The following DACH2 variants were observed in gnomAD, a reference collection of about 807,000 sequenced individuals.
DACH2 encodes the protein dachshund family transcription factor 2.
In DACH2, 17 loss-of-function variants were observed where a neutral mutation model predicts 35.8. That is an observed-to-expected ratio of 0.48 (90% CI 0.33 to 0.71). The LOEUF (loss-of-function observed/expected upper bound fraction) is 0.71. DACH2 is among the 30% of genes least tolerant of loss of function. The probability of loss-of-function intolerance (pLI) is 0.02; values close to 1 mark genes in which losing one functional copy is unlikely to be tolerated. For missense variants in DACH2, 469 were observed against 472.7 expected, an observed-to-expected ratio of 0.99 and a Z score of 0.07; for synonymous variants, 195 against 177.3, an observed-to-expected ratio of 1.10 and a Z score of -0.79.
At chrX:86,346,973 T>C (rs1400982729) in intron 1 of DACH2, among the ~76,000 whole-genome samples, 1 of 111,902 alleles carries the variant, frequency 8.9e-6, no homozygotes, top group South Asian at 3.7e-4. Flanking sequence ...AATGTTTTCA[T>C]GGAGAACTGT....
intron 3 of DACH2, among the ~76,000 whole-genome samples, chrX:86,601,302 A>G (rs1200524320): frequency 6.2e-5 from 7 of 112,213 alleles, no homozygotes; most frequent in Non-Finnish European, 1.3e-4. Context: ...TTAATAAAAC[A>G]AATATAGAAA....
chrX:86,508,126 C>G lies in DACH2; in HGVS notation c.528-6153C>G, dbSNP rs576798156. 8.0e-5 allele frequency among the ~76,000 whole-genome samples: 9 copies of G among 111,855 alleles called. No homozygotes were observed. The South Asian group carries it at 3.4e-3, about 42-fold the overall frequency. On this transcript the variant is annotated intron_variant, in intron 2 of 11. Coordinates refer to ENST00000373125, the MANE Select transcript of DACH2 (RefSeq NM_053281.3). ...TGTGTCCAAATGTGAATGTTAATTT[C>G]TTATCCATTCATCATAAGTTTTCCA...
chrX:86,487,469 C>G (rs1378310364), intron 2 of DACH2, among the ~76,000 whole-genome samples: 1 of 111,635 alleles, frequency 9.0e-6, no homozygotes, highest in African/African-American at 3.2e-5. Flanking sequence ...GGAGATCTTG[C>G]AGAGCATTTT....
intron 3 of DACH2, among the ~76,000 whole-genome samples, chrX:86,532,912 G>T (rs772300888): frequency 4.5e-5 from 5 of 110,983 alleles, no homozygotes; most frequent in Admixed American, 1.9e-4. Context: ...TTGTTTAAAA[G>T]AAATAAGTAA....
intron 1 of DACH2, among the ~76,000 whole-genome samples, chrX:86,359,392 T>G (rs1398143055): frequency 9.0e-6 from 1 of 110,700 alleles, no homozygotes; most frequent in Admixed American, 9.7e-5. Context: ...TATCCTAGAG[T>G]GCACGATTTT....
At position 86,501,590 on chromosome X, in the gene DACH2, A is replaced by T. The variant is rs184647431; in HGVS notation, c.528-12689A>T. 1.1e-4 allele frequency among the ~76,000 whole-genome samples: 12 copies of T among 111,840 alleles called. No individual in the cohort carries two copies. The Admixed American group carries it at 1.1e-3, about 11-fold the overall frequency. ...TTAAAGAATTGAGATTTGAATAGAA[A>T]CTGTGTTACCTTGCTGACCTTGCTA... On this transcript the variant is annotated intron_variant, in intron 2 of 11. Transcript: ENST00000373125.
intron 7 of DACH2, among the ~76,000 whole-genome samples, chrX:86,749,048 C>T (rs1052528071): frequency 3.9e-4 from 44 of 111,995 alleles, no homozygotes; most frequent in African/African-American, 1.4e-3. Flanking sequence ...GCTTCTTAAC[C>T]TCTTTCAGCC....
At chrX:86,617,007 A>G (rs1001408887) in intron 3 of DACH2, among the ~76,000 whole-genome samples, 6 of 112,163 alleles carry the variant, frequency 5.3e-5, no homozygotes, top group African/African-American at 1.9e-4. Context: ...CGCAGCACCA[A>G]TCATTCAATA....
At chrX:86,426,300 T>C (rs919531824) in intron 2 of DACH2, among the ~76,000 whole-genome samples, 4 of 111,287 alleles carry the variant, frequency 3.6e-5, no homozygotes, top group African/African-American at 1.3e-4. Context: ...TCCATGTGTG[T>C]CCTCTCTCTT....
chrX:86,578,327 G>GT (rs78222058), intron 3 of DACH2, among the ~76,000 whole-genome samples: 44 of 103,503 alleles, frequency 4.3e-4, no homozygotes, highest in South Asian at 1.3e-3. Flanking sequence ...AGAAAAATAG[G>GT]TTTTTTTTTT....
intron 1 of DACH2, among the ~76,000 whole-genome samples, chrX:86,254,208 T>C (rs925796708): frequency 9.0e-6 from 1 of 111,699 alleles, no homozygotes; most frequent in Non-Finnish European, 1.9e-5. Context: ...TTCTAATATG[T>C]TTTGTTTAGA....
intron 3 of DACH2, among the ~76,000 whole-genome samples, chrX:86,593,787 G>A (rs1442998772): frequency 1.8e-5 from 2 of 111,019 alleles, no homozygotes; most frequent in African/African-American, 6.5e-5. Context: ...ATGTTTTTCA[G>A]TAATATTGAT....
intron 1 of DACH2, among the ~76,000 whole-genome samples, chrX:86,149,827 T>C (rs190556637): frequency 8.9e-6 from 1 of 112,225 alleles, no homozygotes; most frequent in East Asian, 2.8e-4. Context: ...ATCGTCCGTT[T>C]TGGGTTATCT....
intron 3 of DACH2, among the ~76,000 whole-genome samples, chrX:86,593,419 T>C (rs1401342903): frequency 9.6e-6 from 1 of 103,775 alleles, no homozygotes; most frequent in African/African-American, 3.7e-5. Context: ...TTTTATTTTA[T>C]TTTATTTTAT....
chrX:86,339,138 C>G (rs1482636133), intron 1 of DACH2, among the ~76,000 whole-genome samples: 1 of 111,472 alleles, frequency 9.0e-6, no homozygotes, highest in East Asian at 2.8e-4. Context: ...ACCAGAGGTA[C>G]AAAGAGGAGT....
intron 1 of DACH2, among the ~76,000 whole-genome samples, chrX:86,297,765 G>A (rs1366572543): frequency 8.9e-6 from 1 of 112,099 alleles, no homozygotes; most frequent in Non-Finnish European, 1.9e-5. Context: ...ATTTCCTCTA[G>A]TAGATAATTG....
At chrX:86,260,993 A>T (rs2368527) in intron 1 of DACH2, among the ~76,000 whole-genome samples, 22,090 of 111,670 alleles carry the variant, frequency 0.2, 1,975 homozygotes, top group East Asian at 0.38. Flanking sequence ...AACGTTGCCC[A>T]GTCTAAATGA....
At chrX:86,793,736 G>A (rs901053869) in intron 7 of DACH2, among the ~76,000 whole-genome samples, 8 of 111,973 alleles carry the variant, frequency 7.1e-5, no homozygotes, top group Non-Finnish European at 1.1e-4. Context: ...ACACAAACAC[G>A]TAAAGCACAT....
intron 3 of DACH2, among the ~76,000 whole-genome samples, chrX:86,546,428 TTCTTCC>T (rs2038970785): frequency 1.1e-5 from 1 of 87,103 alleles, no homozygotes; most frequent in African/African-American, 4.6e-5. Context: ...TTTCTTCTTC[TTCTTCC>T]TCTTCTTCTT....
Sources: allele counts gnomAD v4.1 joint callset (sites outside exome capture counted in the v4.1 genomes callset), GRCh38; gene constraint gnomAD v4.1.1; transcripts MANE v1.5; gene names NCBI Gene and HGNC (gene_info 2026-07-23, HGNC 2026-07-21).